Variants in MORC2 observed in about 807,000 individuals in gnomAD.
MORC2 encodes the protein ATPase MORC2.
Under a neutral mutation model 136.0 loss-of-function variants are expected in MORC2, and 30 were observed. That is an observed-to-expected ratio of 0.22 (90% CI 0.17 to 0.30). The LOEUF (loss-of-function observed/expected upper bound fraction) is 0.30, where lower values mean the gene tolerates loss of function less well. Among genes scored for constraint, MORC2 ranks in the 10% least tolerant of loss-of-function variants. The pLI is 1.00. For missense variants in MORC2, 922 were observed against 1,333.1 expected (o/e 0.69, Z 4.80); for synonymous variants, 439 against 487.0 (o/e 0.90, Z 1.30).
intron 3 of MORC2, among the ~76,000 whole-genome samples, chr22:30,955,746 C>T (rs1353239635): frequency 6.6e-6 from 1 of 152,044 alleles, no homozygotes; most frequent in African/African-American, 2.4e-5. Context: ...TGGTGGCTCA[C>T]GCCTGTAATC....
At chr22:30,958,384 G>C (rs1171190574) in intron 2 of MORC2, among the ~76,000 whole-genome samples, 2 of 152,178 alleles carry the variant, frequency 1.3e-5, no homozygotes, top group African/African-American at 4.8e-5. Context: ...ATACACAAGG[G>C]AAGTGGTTTT....
rs1178310178 is a variant in MORC2 at position 30,956,003 on chromosome 22, T to C, written c.157+760A>G. On this transcript the variant is annotated intron_variant, in intron 3 of 25. Coordinates refer to ENST00000397641, the MANE Select transcript of MORC2 (RefSeq NM_001303256.3). ...GCCTGGGTGACAAGGTAAGACTCCA[T>C]CTCAAAAAAAAAAAAAAAAAAAAGC... Among the ~76,000 whole-genome samples, 8 of 116,836 alleles carry C rather than the reference T, an allele frequency of 6.8e-5. No individual in the cohort carries two copies. In the Admixed American group the frequency reaches 6.9e-4, roughly 10 times the overall value. 76.6% of individuals were successfully genotyped at this position (116,836 alleles called of 152,430 possible). A position where few individuals can be genotyped will look rare whatever the true frequency, so the allele number is the denominator to read the frequency against.
chr22:30,962,564 C>T (rs2041063714), intron 1 of MORC2, among the ~76,000 whole-genome samples: 1 of 148,650 alleles, frequency 6.7e-6, no homozygotes, highest in South Asian at 2.1e-4. Flanking sequence ...CACGGCACAC[C>T]AACCTGGCTG....
rs1602492380 is a variant in MORC2, at chr22:30,942,812, C to A, written c.427-541G>T. ...CTGAGCTCAGGAGTTTGAGACCAGT[C>A]TGGGCAACATGGTGAATCCCGGTCT... On this transcript the variant is annotated intron_variant, in intron 6 of 25. Coordinates refer to ENST00000397641, the MANE Select transcript of MORC2 (RefSeq NM_001303256.3). Among the ~76,000 whole-genome samples the A allele has an allele frequency of 5.3e-5, 8 of 152,144 alleles. 2 individuals carry two copies. Among genetic ancestry groups the A allele is most frequent in the Admixed American group, 5.2e-4 (8 of 15,282 alleles).
At chr22:30,950,353 C>CAAAAAAAAAAAAAA in intron 4 of MORC2, 24 bp downstream of exon 4, 6 of 1,481,912 alleles carry the variant, frequency 4.0e-6, no homozygotes, top group Non-Finnish European at 5.6e-6. Flanking sequence ...CCCCACCCCC[C>CAAAAAAAAAAAAAA]AAAACAATAA....
intron 6 of MORC2, among the ~76,000 whole-genome samples, chr22:30,944,814 ATT>A (rs2040792908): frequency 6.6e-6 from 1 of 152,094 alleles, no homozygotes; most frequent in Admixed American, 6.5e-5. Context: ...AACTCCATGT[ATT>A]TCTCTCACCT....
intron 12 of MORC2, among the ~76,000 whole-genome samples, chr22:30,938,793 TCTC>T (rs1393085370): frequency 1.2e-4 from 19 of 152,058 alleles, no homozygotes; most frequent in Non-Finnish European, 2.5e-4. Context: ...ATGGTCTCGA[TCTC>T]CTGACCTCGT....
At chr22:30,930,679 G>A (rs904863506) in intron 24 of MORC2, among the ~76,000 whole-genome samples, 3 of 152,280 alleles carry the variant, frequency 2.0e-5, no homozygotes, top group East Asian at 1.9e-4. Flanking sequence ...ACGAGGACCC[G>A]ACATCTTGAA....
chr22:30,932,866 C>T lies in MORC2; in HGVS notation c.2522+23G>A. On this transcript the variant is annotated intron_variant, in intron 22 of 25. Coordinates refer to ENST00000397641, the MANE Select transcript of MORC2 (RefSeq NM_001303256.3). The surrounding 1 kb of genome is among the most constrained non-coding windows in gnomAD (Gnocchi z 4.4). ...GGATACCTCCTTCGAGGAACCACTG[C>T]TCCTCCCTGATTGGGGCATTACCAG... 1.2e-6 allele frequency: 2 copies of T among 1,614,046 alleles called. No individual in the cohort carries two copies. The highest frequency in any genetic ancestry group is 1.7e-6 in the Non-Finnish European group (2 of 1,179,968).
intron 16 of MORC2, 118 bp from the exon 17 acceptor site, chr22:30,936,761 A>G (rs1359156522): frequency 2.9e-6 from 4 of 1,384,930 alleles, no homozygotes; most frequent in Non-Finnish European, 3.0e-6. Flanking sequence ...AGAGTTCCCA[A>G]TGCACAGAAT....
chr22:30,964,584 T>C (rs1444282440), intron 1 of MORC2, among the ~76,000 whole-genome samples: 1 of 152,156 alleles, frequency 6.6e-6, no homozygotes, highest in Non-Finnish European at 1.5e-5. Flanking sequence ...CAAAACCCAC[T>C]ACCAAAGAGA....
In MORC2 at chr22:30,941,441, G is replaced by A. The variant is rs751003295; in HGVS notation, c.816C>T (p.Tyr272=). 5.0e-6 allele frequency: 8 copies of A among 1,613,804 alleles called. No homozygotes were observed. The highest frequency in any genetic ancestry group is 2.2e-5 in the South Asian group (2 of 91,074). The part of the protein sequence containing the change: ...VQTKRLSCCL[Y]KPRMYKYTSS... ...GGGGCACTGGCCCCTACCTGGGCTT[G>A]TACAGGCAGCAGGAGAGCCTCTTGG... The change falls in exon 9 of 26, where the codon TAC becomes TAT. Residue 272 remains tyrosine, a synonymous_variant. Coordinates refer to ENST00000397641, the MANE Select transcript of MORC2 (RefSeq NM_001303256.3). This position sits in a 1 kb window ranked among gnomAD's most constrained non-coding sequence, Gnocchi z 4.6.
chr22:30,942,626 T>C (rs1375420190), intron 6 of MORC2, among the ~76,000 whole-genome samples: 1 of 152,128 alleles, frequency 6.6e-6, no homozygotes, highest in Non-Finnish European at 1.5e-5. Context: ...TAAATACACA[T>C]AACATAACCT....
Position 30,932,673 on chromosome 22 carries a change from C to T in MORC2, c.2619G>A (p.Val873=), listed in dbSNP as rs547761745. 3.7e-6 allele frequency: 6 copies of T among 1,614,160 alleles called. No homozygotes were observed. The African/African-American group carries it at 8.0e-5, about 22-fold the overall frequency. Residue 873 remains valine, a synonymous_variant, in exon 23 of 26, where the codon GTG becomes GTA. Coordinates refer to ENST00000397641, the MANE Select transcript of MORC2 (RefSeq NM_001303256.3). This position sits in a 1 kb window ranked among gnomAD's most constrained non-coding sequence, Gnocchi z 4.4. ...DTQQEGGEEE[V]GPVAQQAIAV... ...CTATGGCCTGCTGGGCCACAGGGCC[C>T]ACCTCCTCCTCCCCGCCCTCCTGTT...
chr22:30,937,533 G>C lies in MORC2; in HGVS notation c.1498+50C>G. 1 of 1,593,992 alleles carries C rather than the reference G, an allele frequency of 6.3e-7. No individual in the cohort carries two copies. The highest frequency in any genetic ancestry group is 8.5e-7 in the Non-Finnish European group (1 of 1,171,476). On this transcript the variant is annotated intron_variant, in intron 15 of 25. Transcript: ENST00000397641. The surrounding 1 kb of genome is among the most constrained non-coding windows in gnomAD (Gnocchi z 4.7). Reference sequence around the variant, plus strand: ...GCTGGCAGGAAGATAGAGAAAAGAGGCTTGTGGGCTGATGGAAATGAGTCG... The same window carrying C: ...GCTGGCAGGAAGATAGAGAAAAGAGCCTTGTGGGCTGATGGAAATGAGTCG...
chr22:30,955,034 T>C (rs936517879), intron 3 of MORC2, among the ~76,000 whole-genome samples: 11 of 147,442 alleles, frequency 7.5e-5, no homozygotes, highest in African/African-American at 5.0e-5. Flanking sequence ...TCTTGGCTCA[T>C]GGCAACTTCC....
chr22:30,939,900 G>T (rs1053489786), intron 11 of MORC2, 59 bp downstream of exon 11: 21 of 1,549,052 alleles, frequency 1.4e-5, no homozygotes, highest in Non-Finnish European at 1.9e-5. Context: ...CAGGCTCATG[G>T]GACATGGGCT....
rs2040519214 is a variant in MORC2, at chr22:30,928,222, G to C, written c.2842-15C>G. On this transcript the variant is annotated splice_polypyrimidine_tract_variant and intron_variant, in intron 24 of 25. Transcript: ENST00000397641. ...AAGTACTCCTTCTGTTGGGAGCAGA[G>C]CAAGAGGGAGAGTGTGTAAGTTCAC... 1 of 1,613,846 alleles carries C rather than the reference G, an allele frequency of 6.2e-7. No individual in the cohort carries two copies. The highest frequency in any genetic ancestry group is 1.1e-5 in the South Asian group (1 of 91,068).
Position 30,935,396 on chromosome 22 carries a change from G to T in MORC2, c.1738-74C>A. Reference sequence around the variant, plus strand: ...TGAGCAAACTTTTTGGATAGTGTCTGGAACCAGGGACAAAAAAAATAGAAA... The same window carrying T: ...TGAGCAAACTTTTTGGATAGTGTCTTGAACCAGGGACAAAAAAAATAGAAA... On this transcript the variant is annotated intron_variant, in intron 17 of 25. Transcript: ENST00000397641. The T allele has an allele frequency of 3.5e-6, 5 of 1,429,642 alleles. No individual in the cohort carries two copies. In the Middle Eastern group the frequency reaches 5.3e-4, roughly 153 times the overall value. The allele number at this position is 1,429,642 out of a possible 1,614,324, so 88.6% of individuals were successfully genotyped here.
Sources: allele counts gnomAD v4.1 joint callset (sites outside exome capture counted in the v4.1 genomes callset), GRCh38; gene constraint gnomAD v4.1.1; non-coding constraint Gnocchi (gnomAD v3.1); transcripts MANE v1.5; gene names NCBI Gene and HGNC (gene_info 2026-07-23, HGNC 2026-07-21).